Variants in EYA3 observed in about 807,000 individuals in gnomAD.
The protein encoded by EYA3 is EYA transcriptional coactivator and phosphatase 3, also known as protein phosphatase EYA3.
In EYA3, 39 loss-of-function variants were observed where a neutral mutation model predicts 80.0. The observed-to-expected ratio is 0.49, with a 90% CI of 0.38 to 0.64. The LOEUF is 0.64. Among genes scored for constraint, EYA3 ranks in the 30% least tolerant of loss-of-function variants. The pLI, the probability that EYA3 is intolerant of heterozygous loss-of-function variation, is 0.00. For synonymous variants in EYA3, 206 were observed against 232.8 expected (o/e 0.88, Z 1.05); for missense variants, 523 against 676.1 (o/e 0.77, Z 2.51).
intron 15 of EYA3, among the ~76,000 whole-genome samples, chr1:27,989,362 C>T (rs573537278): frequency 6.6e-6 from 1 of 152,156 alleles, no homozygotes; most frequent in Non-Finnish European, 1.5e-5. Flanking sequence ...GCTTCCTGTA[C>T]CTAGGACATT....
rs1275221714 is a variant in EYA3 at position 27,970,793 on chromosome 1, A to G, written c.*3673T>C. 2 of 152,270 alleles carry G rather than the reference A, an allele frequency of 1.3e-5. No individual in the cohort carries two copies. Among genetic ancestry groups the G allele is most frequent in the Non-Finnish European group, 2.9e-5 (2 of 68,062 alleles). 9.4% of individuals were successfully genotyped at this position (152,270 alleles called of 1,614,324 possible). On this transcript the variant is annotated 3_prime_UTR_variant, in exon 18 of 18. Transcript: ENST00000373871. Reference sequence around the variant, plus strand: ...GGTAAGAAATAGAAGCCTGCTTAAGAGGGACCCTAACTGCCTCCTTGAGGA... The same window carrying G: ...GGTAAGAAATAGAAGCCTGCTTAAGGGGGACCCTAACTGCCTCCTTGAGGA...
chr1:28,050,187 A>ATTTTTTTTTTTTT (rs1557617106), intron 2 of EYA3, among the ~76,000 whole-genome samples: 1 of 127,938 alleles, frequency 7.8e-6, no homozygotes. Flanking sequence ...TATTATTATT[A>ATTTTTTTTTTTTT]TTATTATTAT....
chr1:28,050,675 GT>G (rs1328327055), intron 2 of EYA3, among the ~76,000 whole-genome samples: 2 of 151,780 alleles, frequency 1.3e-5, no homozygotes, highest in South Asian at 2.1e-4. Flanking sequence ...GTGTTACAAT[GT>G]TTTTTTTGTT....
At chr1:27,989,498 T>C (rs1639889974) in intron 15 of EYA3, among the ~76,000 whole-genome samples, 199 bp downstream of exon 15, 1 of 152,216 alleles carries the variant, frequency 6.6e-6, no homozygotes, top group African/African-American at 2.4e-5. Flanking sequence ...ATTTCATATA[T>C]AAATATTCTC....
chr1:28,000,343 C>T (rs1222221370), intron 11 of EYA3, among the ~76,000 whole-genome samples: 1 of 151,586 alleles, frequency 6.6e-6, no homozygotes, highest in East Asian at 1.9e-4. Context: ...GACGGAGTCT[C>T]ACTCTGTCGC....
intron 6 of EYA3, among the ~76,000 whole-genome samples, chr1:28,031,549 G>C (rs1643139439): frequency 2.0e-5 from 3 of 152,186 alleles, no homozygotes. Context: ...CTCTACCCAA[G>C]TTTCTCAGCA....
In EYA3 at chr1:27,971,192, G is replaced by A. The variant is rs1452024013; in HGVS notation, c.*3274C>T. The A allele has an allele frequency of 6.6e-6, 1 of 152,326 alleles. No individual in the cohort carries two copies. Among genetic ancestry groups the A allele is most frequent in the Non-Finnish European group, 1.5e-5 (1 of 68,148 alleles). The allele number at this position is 152,326 out of a possible 1,614,324, so 9.4% of individuals were successfully genotyped here. A position where few individuals can be genotyped will look rare whatever the true frequency, so the allele number is the denominator to read the frequency against. ...ACAGGGTGATGCTAAGGCACAGTCA[G>A]TTTTACATTCGAAAGTCAAGCCACC... On this transcript the variant is annotated 3_prime_UTR_variant, in exon 18 of 18. Transcript: ENST00000373871.
intron 16 of EYA3, among the ~76,000 whole-genome samples, chr1:27,983,875 A>T (rs1639474184): frequency 6.6e-6 from 1 of 152,116 alleles, no homozygotes; most frequent in African/African-American, 2.4e-5. Flanking sequence ...GGCTGCTCTC[A>T]AACTCCTGAC....
At chr1:28,020,667 C>CGTGTGTGT (rs56017264) in intron 7 of EYA3, among the ~76,000 whole-genome samples, 5,465 of 134,394 alleles carry the variant, frequency 0.041, 170 homozygotes, top group Admixed American at 0.05. Flanking sequence ...TACAGATCAT[C>CGTGTGTGT]GTGTGTGTGT....
intron 1 of EYA3, among the ~76,000 whole-genome samples, chr1:28,080,174 G>A (rs1453777095): frequency 6.6e-6 from 1 of 152,168 alleles, no homozygotes; most frequent in Non-Finnish European, 1.5e-5. Flanking sequence ...GCCAGGCACA[G>A]TGGCTCACAC....
chr1:27,989,680 A>G lies in EYA3; in HGVS notation c.1418+17T>C, dbSNP rs1571725760. On this transcript the variant is annotated intron_variant, in intron 15 of 17. Transcript: ENST00000373871. ...ATGTCGCTGAGAGGATGAGACCTAAAAGAACCATTTCCATACCTGGACTGG... is the reference window on the plus strand; with the variant it reads ...ATGTCGCTGAGAGGATGAGACCTAAGAGAACCATTTCCATACCTGGACTGG... The G allele has an allele frequency of 6.5e-7, 1 of 1,537,216 alleles. No individual in the cohort carries two copies. Among genetic ancestry groups the G allele is most frequent in the Non-Finnish European group, 9.0e-7 (1 of 1,115,530 alleles).
chr1:28,026,256 T>A (rs1642777655), intron 7 of EYA3, among the ~76,000 whole-genome samples: 1 of 152,188 alleles, frequency 6.6e-6, no homozygotes, highest in African/African-American at 2.4e-5. Flanking sequence ...TTATCAGATA[T>A]ACCTGTTTAG....
At chr1:28,051,814 T>TC (rs1163940827) in intron 2 of EYA3, among the ~76,000 whole-genome samples, 1 of 152,140 alleles carries the variant, frequency 6.6e-6, no homozygotes, top group African/African-American at 2.4e-5. Flanking sequence ...AAAGAAGAAT[T>TC]CATCTTGTAA....
At chr1:28,030,012 T>C (rs1193672850) in intron 6 of EYA3, among the ~76,000 whole-genome samples, 1 of 152,196 alleles carries the variant, frequency 6.6e-6, no homozygotes, top group Non-Finnish European at 1.5e-5. Flanking sequence ...ACATTCCATG[T>C]ATGATATCAA....
intron 2 of EYA3, among the ~76,000 whole-genome samples, chr1:28,051,366 T>C (rs1030892207): frequency 1.3e-5 from 2 of 151,988 alleles, no homozygotes; most frequent in African/African-American, 2.4e-5. Flanking sequence ...AAAAAATCCA[T>C]TCACAATAGC....
chr1:27,989,788 C>T lies in EYA3; in HGVS notation c.1327G>A (p.Glu443Lys). 1 of 1,610,120 alleles carries T rather than the reference C, an allele frequency of 6.2e-7. No individual in the cohort carries two copies. The highest frequency in any genetic ancestry group is 8.5e-7 in the Non-Finnish European group (1 of 1,177,778). Residue 443 changes from glutamate (E) to lysine (K), a missense_variant, in exon 15 of 18, where the codon GAA becomes AAA. Physicochemically the swap from Glu to Lys is moderately conservative, Grantham distance 56. Coordinates refer to ENST00000373871, the MANE Select transcript of EYA3 (RefSeq NM_001990.4). ...VGGLLSPQRK[E>K]ALQRLRAEIE... Reference sequence around the variant, plus strand: ...TCTGCTCTTAATCTCTGCAGTGCTTCCTTCCTCTGGGGACTGAGGAGACCT... The same window carrying T: ...TCTGCTCTTAATCTCTGCAGTGCTTTCTTCCTCTGGGGACTGAGGAGACCT...
chr1:28,007,974 C>A (rs1641414173), intron 10 of EYA3, among the ~76,000 whole-genome samples: 1 of 152,132 alleles, frequency 6.6e-6, no homozygotes, highest in Non-Finnish European at 1.5e-5. Flanking sequence ...ATTCACACTT[C>A]CTGATTTCAA....
chr1:28,084,596 T>TATATATATATC (rs56396330), intron 1 of EYA3, among the ~76,000 whole-genome samples: 1 of 12,348 alleles, frequency 8.1e-5, no homozygotes, highest in Non-Finnish European at 1.3e-4. Flanking sequence ...TATATATATA[T>TATATATATATC]TTTTTTTTTT....
At chr1:28,042,042 T>A (rs1643812236) in intron 4 of EYA3, among the ~76,000 whole-genome samples, 1 of 152,186 alleles carries the variant, frequency 6.6e-6, no homozygotes, top group Admixed American at 6.5e-5. Context: ...TTGTCAAAAA[T>A]GCAGATTCCC....
Sources: gnomAD v4.1 joint callset for allele counts (sites outside exome capture counted in the v4.1 genomes callset) on GRCh38, gnomAD v4.1.1 for gene constraint, MANE v1.5 for transcripts, NCBI Gene and HGNC (gene_info 2026-07-23, HGNC 2026-07-21) for gene names.